Variants in GALNT18 observed in about 807,000 individuals in gnomAD.
GALNT18 encodes GalNAc-transferase 18.
In GALNT18, 44 loss-of-function variants were observed where a neutral mutation model predicts 69.5. The ratio of observed to expected loss-of-function variants is 0.63; its 90% CI spans 0.50 to 0.81. The LOEUF (loss-of-function observed/expected upper bound fraction) is 0.81, where lower values mean the gene tolerates loss of function less well. GALNT18 is among the 40% of genes least tolerant of loss of function. GALNT18 has a pLI of 0.00. For missense variants in GALNT18, 715 were observed against 810.0 expected (o/e 0.88, Z 1.42); for synonymous variants, 364 against 318.2 (o/e 1.14, Z -1.53).
Position 11,587,851 on chromosome 11 carries a change from A to T in GALNT18, c.235+33508T>A, listed in dbSNP as rs534531815. Among the ~76,000 whole-genome samples, 53 of 152,304 alleles carry T rather than the reference A, an allele frequency of 3.5e-4. No homozygotes were observed. Among genetic ancestry groups the T allele is most frequent in the African/African-American group, 1.2e-3 (50 of 41,574 alleles). ...CTCTTCTATGGTCCAAAGAATAATA[A>T]GAACACAAAATATAGAAATCCGAAA... On this transcript the variant is annotated intron_variant, in intron 1 of 10. Coordinates refer to ENST00000227756, the MANE Select transcript of GALNT18 (RefSeq NM_198516.3). The surrounding 1 kb of genome is among the most constrained non-coding windows in gnomAD (Gnocchi z 4.4).
Position 11,558,810 on chromosome 11 carries a change from T to C in GALNT18, c.235+62549A>G, listed in dbSNP as rs1174760163. Among the ~76,000 whole-genome samples the C allele has an allele frequency of 7.9e-5, 12 of 152,214 alleles. 1 individual carries two copies. The highest frequency in any genetic ancestry group is 7.8e-4 in the Admixed American group (12 of 15,290). The stretch of plus-strand genomic sequence containing the variant: ...AGTAAGAGCTTAGCTCAAGGGACTT[T>C]GTTTATAGAGAAAATAATATCTGCA... On this transcript the variant is annotated intron_variant, in intron 1 of 10. Transcript: ENST00000227756.
At chr11:11,526,474 A>C (rs1434805064) in intron 1 of GALNT18, among the ~76,000 whole-genome samples, 4 of 152,230 alleles carry the variant, frequency 2.6e-5, no homozygotes, top group Admixed American at 2.6e-4. Flanking sequence ...GAACATATGT[A>C]GTTATTCATG....
In GALNT18 at chr11:11,407,903, C is replaced by G. The variant is rs146645699; in HGVS notation, c.595+24718G>C. On this transcript the variant is annotated intron_variant, in intron 3 of 10. Transcript: ENST00000227756. ...GCTCCCAGCTGCCTGTTGGATGCAC[C>G]GAGTGGAGGCCCCACCCGCAGTCAT... Among the ~76,000 whole-genome samples, 349 of 152,240 alleles carry G rather than the reference C, an allele frequency of 2.3e-3. 2 individuals are homozygous for G. Among genetic ancestry groups the G allele is most frequent in the African/African-American group, 7.9e-3 (327 of 41,538 alleles).
intron 10 of GALNT18, among the ~76,000 whole-genome samples, chr11:11,290,504 C>A (rs1240860940): frequency 6.6e-6 from 1 of 152,158 alleles, no homozygotes; most frequent in African/African-American, 2.4e-5. Context: ...ACTCTTCAGC[C>A]GCTCCCCACT....
Position 11,546,555 on chromosome 11 carries a change from C to A in GALNT18, c.235+74804G>T, listed in dbSNP as rs1419672081. 6.6e-6 allele frequency among the ~76,000 whole-genome samples: 1 copy of A among 152,172 alleles called. No individual in the cohort carries two copies. Among genetic ancestry groups the A allele is most frequent in the African/African-American group, 2.4e-5 (1 of 41,446 alleles). ...CAATGCTGTAAAAGGTATCACGGCT[C>A]CCATTGCTCACTGGATAAACACAAA... On this transcript the variant is annotated intron_variant, in intron 1 of 10. Coordinates refer to ENST00000227756, the MANE Select transcript of GALNT18 (RefSeq NM_198516.3). This position sits in a 1 kb window ranked among gnomAD's most constrained non-coding sequence, Gnocchi z 5.8.
intron 1 of GALNT18, among the ~76,000 whole-genome samples, chr11:11,570,606 C>G (rs988008427): frequency 2.6e-5 from 4 of 152,208 alleles, no homozygotes; most frequent in Admixed American, 2.6e-4. Context: ...TCTCAAAGCT[C>G]CCCCTGGCCA....
rs142079604 is a variant in GALNT18, at chr11:11,576,288, G to C, written c.235+45071C>G. On this transcript the variant is annotated intron_variant, in intron 1 of 10. Coordinates refer to ENST00000227756, the MANE Select transcript of GALNT18 (RefSeq NM_198516.3). ...CGCTGCTCACCAGGCTGTGGCTCCAGGCAGAGCCATCTTGGTTTCACAGCC... is the reference window on the plus strand; with the variant it reads ...CGCTGCTCACCAGGCTGTGGCTCCACGCAGAGCCATCTTGGTTTCACAGCC... Among the ~76,000 whole-genome samples, 1,252 of 152,306 alleles carry C rather than the reference G, an allele frequency of 8.2e-3. 23 individuals carry two copies. Among genetic ancestry groups the C allele is most frequent in the African/African-American group, 0.029 (1,189 of 41,568 alleles).
At position 11,421,292 on chromosome 11, in the gene GALNT18, A is replaced by G. The variant is rs1854999406; in HGVS notation, c.595+11329T>C. 6.6e-6 allele frequency among the ~76,000 whole-genome samples: 1 copy of G among 152,108 alleles called. No individual in the cohort carries two copies. Among genetic ancestry groups the G allele is most frequent in the Non-Finnish European group, 1.5e-5 (1 of 68,032 alleles). Reference sequence around the variant, plus strand: ...GGACTAGAGCTGGAGAAATGGATTGAGCCCTGGGGCTGGTCCACAAAGAGG... The same window carrying G: ...GGACTAGAGCTGGAGAAATGGATTGGGCCCTGGGGCTGGTCCACAAAGAGG... On this transcript the variant is annotated intron_variant, in intron 3 of 10. Transcript: ENST00000227756. This position sits in a 1 kb window ranked among gnomAD's most constrained non-coding sequence, Gnocchi z 5.6.
chr11:11,507,466 C>T (rs1857087848), intron 1 of GALNT18, among the ~76,000 whole-genome samples: 1 of 152,032 alleles, frequency 6.6e-6, no homozygotes, highest in South Asian at 2.1e-4. Context: ...CTTTCTTTTC[C>T]TCCTACTCTT....
At chr11:11,363,458 T>A (rs1367594412) in intron 6 of GALNT18, among the ~76,000 whole-genome samples, 1 of 152,172 alleles carries the variant, frequency 6.6e-6, no homozygotes, top group Non-Finnish European at 1.5e-5. Flanking sequence ...ATTTATCATA[T>A]CATTGGTGGT....
In GALNT18 at chr11:11,454,879, C is replaced by T. The variant is rs1324157774; in HGVS notation, c.236-5943G>A. Among the ~76,000 whole-genome samples the T allele has an allele frequency of 3.3e-5, 5 of 152,206 alleles. No individual in the cohort carries two copies. Among genetic ancestry groups the T allele is most frequent in the Non-Finnish European group, 5.9e-5 (4 of 68,042 alleles). On this transcript the variant is annotated intron_variant, in intron 1 of 10. Transcript: ENST00000227756. This position sits in a 1 kb window ranked among gnomAD's most constrained non-coding sequence, Gnocchi z 4.2. ...TGAGGGGAGGATTCCCTCCAGAGGA[C>T]ACTAATCACTCCACCCTTGAAGAGA...
At chr11:11,423,157 C>T (rs1284691474) in intron 3 of GALNT18, among the ~76,000 whole-genome samples, 6 of 152,204 alleles carry the variant, frequency 3.9e-5, no homozygotes, top group Non-Finnish European at 5.9e-5. Flanking sequence ...CACATGGATG[C>T]ATTAACACAT....
At position 11,271,057 on chromosome 11, in the gene GALNT18, C is replaced by T; in HGVS notation, c.*87G>A. The T allele has an allele frequency of 7.6e-7, 1 of 1,322,484 alleles. No homozygotes were observed. 81.9% of individuals were successfully genotyped at this position (1,322,484 alleles called of 1,614,324 possible). A position where few individuals can be genotyped will look rare whatever the true frequency, so the allele number is the denominator to read the frequency against. Reference sequence around the variant, plus strand: ...GGGCCCACTAACCTGGTTCCCCAGACTCCAAACAACCCCACGTGGACAGCA... The same window carrying T: ...GGGCCCACTAACCTGGTTCCCCAGATTCCAAACAACCCCACGTGGACAGCA... On this transcript the variant is annotated 3_prime_UTR_variant, in exon 11 of 11. Coordinates refer to ENST00000227756, the MANE Select transcript of GALNT18 (RefSeq NM_198516.3).
intron 3 of GALNT18, among the ~76,000 whole-genome samples, chr11:11,428,961 A>G (rs1194930165): frequency 1.3e-5 from 2 of 151,964 alleles, no homozygotes; most frequent in African/African-American, 4.8e-5. Context: ...GAGGATGGTA[A>G]TTTTTAATTT....
At chr11:11,305,586 G>A (rs183100963) in intron 9 of GALNT18, among the ~76,000 whole-genome samples, 3 of 152,270 alleles carry the variant, frequency 2.0e-5, no homozygotes, top group Non-Finnish European at 4.4e-5. Context: ...CTACCCACGA[G>A]CTATGTGACT....
In GALNT18 at chr11:11,435,788, G is replaced by C. The variant is rs951141618; in HGVS notation, c.429-3001C>G. Reference sequence around the variant, plus strand: ...TCCCTTGGAAGGAGAGTCAGGTCCCGGTCCTCCCGCCGACCAGCAGGCTCC... The same window carrying C: ...TCCCTTGGAAGGAGAGTCAGGTCCCCGTCCTCCCGCCGACCAGCAGGCTCC... On this transcript the variant is annotated intron_variant, in intron 2 of 10. Coordinates refer to ENST00000227756, the MANE Select transcript of GALNT18 (RefSeq NM_198516.3). The surrounding 1 kb of genome is among the most constrained non-coding windows in gnomAD (Gnocchi z 4.4). Among the ~76,000 whole-genome samples, 2 of 152,084 alleles carry C rather than the reference G, an allele frequency of 1.3e-5. No individual in the cohort carries two copies. Among genetic ancestry groups the C allele is most frequent in the African/African-American group, 2.4e-5 (1 of 41,412 alleles).
intron 1 of GALNT18, among the ~76,000 whole-genome samples, chr11:11,581,161 G>T (rs1859071383): frequency 6.6e-6 from 1 of 152,226 alleles, no homozygotes; most frequent in African/African-American, 2.4e-5. Context: ...TGAGACAAAA[G>T]TGCCCTGAGG....
Position 11,404,902 on chromosome 11 carries a change from C to A in GALNT18, c.596-25638G>T, listed in dbSNP as rs1054920255. ...GGACTCCACTCCCAGCCCATGGCCA[C>A]CCAGGCCAATCATGTTTCCTAGAGC... On this transcript the variant is annotated intron_variant, in intron 3 of 10. Coordinates refer to ENST00000227756, the MANE Select transcript of GALNT18 (RefSeq NM_198516.3). The surrounding 1 kb of genome is among the most constrained non-coding windows in gnomAD (Gnocchi z 4.5). 6.6e-6 allele frequency among the ~76,000 whole-genome samples: 1 copy of A among 152,174 alleles called. No individual in the cohort carries two copies. The highest frequency in any genetic ancestry group is 1.9e-4 in the East Asian group (1 of 5,188).
At chr11:11,438,940 CTGTTG>C (rs1855473157) in intron 2 of GALNT18, among the ~76,000 whole-genome samples, 1 of 152,168 alleles carries the variant, frequency 6.6e-6, no homozygotes, top group Non-Finnish European at 1.5e-5. Flanking sequence ...GCTGTGTCTT[CTGTTG>C]TGTGGCATCT....
Sources: allele counts gnomAD v4.1 joint callset (sites outside exome capture counted in the v4.1 genomes callset), GRCh38; gene constraint gnomAD v4.1.1; non-coding constraint Gnocchi (gnomAD v3.1); transcripts MANE v1.5; gene names NCBI Gene and HGNC (gene_info 2026-07-23, HGNC 2026-07-21).